Variants in C8orf34 observed in about 807,000 individuals in gnomAD.
C8orf34 encodes chromosome 8 open reading frame 34.
Under a neutral mutation model 68.3 loss-of-function variants are expected in C8orf34, and 65 were observed. The ratio of observed to expected loss-of-function variants is 0.95; its 90% CI spans 0.78 to 1.17. The LOEUF (loss-of-function observed/expected upper bound fraction) is 1.17. Among genes scored for constraint, C8orf34 ranks in the 50% most tolerant of loss-of-function variants. The probability of loss-of-function intolerance (pLI) is 0.00; values close to 1 mark genes in which losing one functional copy is unlikely to be tolerated. For synonymous variants in C8orf34, 244 were observed against 241.2 expected (o/e 1.01, Z -0.11); for missense variants, 664 against 655.4 (o/e 1.01, Z -0.14).
intron 8 of C8orf34, among the ~76,000 whole-genome samples, chr8:68,703,000 A>G (rs984806930): frequency 6.6e-6 from 1 of 152,114 alleles, no homozygotes; most frequent in Non-Finnish European, 1.5e-5. Context: ...GGATCTCATA[A>G]CATCACCAAG....
intron 5 of C8orf34, among the ~76,000 whole-genome samples, chr8:68,521,368 A>C (rs1422953904): frequency 6.6e-6 from 1 of 152,196 alleles, no homozygotes; most frequent in Non-Finnish European, 1.5e-5. Flanking sequence ...AGTTGGAGGC[A>C]ATACACCCTT....
chr8:68,677,116 CAA>C (rs201860396), intron 8 of C8orf34, among the ~76,000 whole-genome samples: 4,503 of 152,208 alleles, frequency 0.03, 80 homozygotes, highest in Non-Finnish European at 0.051. Flanking sequence ...AAATCAATAA[CAA>C]GACGAATTTT....
chr8:68,493,859 A>C (rs1472307293), intron 5 of C8orf34, among the ~76,000 whole-genome samples: 4 of 152,222 alleles, frequency 2.6e-5, no homozygotes, highest in Non-Finnish European at 5.9e-5. Flanking sequence ...CTTCAGATTC[A>C]GACACTGAAT....
chr8:68,693,896 A>G (rs974708593), intron 8 of C8orf34, among the ~76,000 whole-genome samples: 2 of 152,058 alleles, frequency 1.3e-5, no homozygotes, highest in Non-Finnish European at 1.5e-5. Flanking sequence ...GCTTTTAATA[A>G]TAAATTAAGA....
rs1229956778 is a variant in C8orf34 at position 68,431,640 on chromosome 8, A to T, written c.328-7859A>T. 3.3e-5 allele frequency among the ~76,000 whole-genome samples: 5 copies of T among 152,172 alleles called. No homozygotes were observed. In the East Asian group the frequency reaches 9.6e-4, roughly 29 times the overall value. On this transcript the variant is annotated intron_variant, in intron 1 of 13. Transcript: ENST00000518698. ...ACTACAAGCTTGTGCTTTTATATGAAGACTGTTTAAAACTGCATACTAAAT... is the reference window on the plus strand; with the variant it reads ...ACTACAAGCTTGTGCTTTTATATGATGACTGTTTAAAACTGCATACTAAAT...
intron 7 of C8orf34, among the ~76,000 whole-genome samples, chr8:68,617,225 G>A (rs1818248616): frequency 6.6e-6 from 1 of 152,088 alleles, no homozygotes. Flanking sequence ...ACACTGATGG[G>A]TCTTGACTCT....
In C8orf34 at chr8:68,401,607, T is replaced by C. The variant is rs1808958098; in HGVS notation, c.328-37892T>C. ...AAGGGGATGCTGAATTTTTATCTTT[T>C]CTTCATCTCTTGAAATGAAGCCTTT... On this transcript the variant is annotated intron_variant, in intron 1 of 13. Coordinates refer to ENST00000518698, the MANE Select transcript of C8orf34 (RefSeq NM_052958.4). Among the ~76,000 whole-genome samples the C allele has an allele frequency of 4.6e-5, 7 of 151,882 alleles. No individual in the cohort carries two copies. In the South Asian group the frequency reaches 1.5e-3, roughly 32 times the overall value.
chr8:68,643,425 T>C (rs1196222781), intron 8 of C8orf34, among the ~76,000 whole-genome samples: 1 of 152,184 alleles, frequency 6.6e-6, no homozygotes, highest in African/African-American at 2.4e-5. Flanking sequence ...AAATACCACT[T>C]GATTAGTGTC....
intron 7 of C8orf34, among the ~76,000 whole-genome samples, chr8:68,625,266 G>C (rs1442549423): frequency 6.6e-6 from 1 of 152,126 alleles, no homozygotes; most frequent in East Asian, 1.9e-4. Flanking sequence ...AGGGCTGCTG[G>C]ATAAAAGGAA....
chr8:68,550,173 C>T (rs1229561222), intron 7 of C8orf34, among the ~76,000 whole-genome samples: 5 of 151,496 alleles, frequency 3.3e-5, no homozygotes, highest in African/African-American at 4.8e-5. Context: ...TGTTGTCTTC[C>T]ACCCTGTTTC....
chr8:68,549,191 A>G lies in C8orf34; in HGVS notation c.1105+16042A>G, dbSNP rs191549073. Among the ~76,000 whole-genome samples the G allele has an allele frequency of 2.5e-3, 379 of 151,872 alleles. 3 individuals carry two copies. The highest frequency in any genetic ancestry group is 0.01 in the Middle Eastern group (3 of 294). On this transcript the variant is annotated intron_variant, in intron 7 of 13. Coordinates refer to ENST00000518698, the MANE Select transcript of C8orf34 (RefSeq NM_052958.4). The stretch of plus-strand genomic sequence containing the variant: ...AAAAACTGACCATTTTGGCACCTTG[A>G]TTTTGAAACTTCCAGCCTCCAGAAC...
chr8:68,398,349 T>C lies in C8orf34; in HGVS notation c.328-41150T>C, dbSNP rs950772445. Among the ~76,000 whole-genome samples the C allele has an allele frequency of 2.6e-5, 4 of 152,162 alleles. No homozygotes were observed. The East Asian group carries it at 7.7e-4, about 29-fold the overall frequency. On this transcript the variant is annotated intron_variant, in intron 1 of 13. Transcript: ENST00000518698. ...CTTACACTTGAACCTGTGATTAATA[T>C]CTGTGAAGGCTATCCCACTTTTATT...
chr8:68,624,350 G>A (rs1818474537), intron 7 of C8orf34, among the ~76,000 whole-genome samples: 1 of 151,690 alleles, frequency 6.6e-6, no homozygotes, highest in African/African-American at 2.4e-5. Context: ...GGTATGAATT[G>A]AAACACAGAA....
intron 1 of C8orf34, among the ~76,000 whole-genome samples, chr8:68,350,681 T>C (rs1806476280): frequency 6.6e-6 from 1 of 152,168 alleles, no homozygotes; most frequent in African/African-American, 2.4e-5. Context: ...TTTACAATTA[T>C]GTAATGCCCT....
intron 8 of C8orf34, among the ~76,000 whole-genome samples, chr8:68,680,751 T>C (rs1820344387): frequency 6.6e-6 from 1 of 152,170 alleles, no homozygotes; most frequent in Non-Finnish European, 1.5e-5. Context: ...ACCTATTGTC[T>C]TGATAAACAT....
At chr8:68,552,232 C>A (rs1267837202) in intron 7 of C8orf34, among the ~76,000 whole-genome samples, 1 of 152,088 alleles carries the variant, frequency 6.6e-6, no homozygotes, top group Non-Finnish European at 1.5e-5. Flanking sequence ...AACTTAACTT[C>A]CTCAAAAACA....
intron 1 of C8orf34, among the ~76,000 whole-genome samples, chr8:68,339,201 G>C (rs1403264539): frequency 6.6e-5 from 10 of 151,964 alleles, no homozygotes; most frequent in African/African-American, 1.4e-4. Flanking sequence ...CTGTTAGGCA[G>C]AATTGACATC....
intron 10 of C8orf34, among the ~76,000 whole-genome samples, chr8:68,727,373 C>T (rs1425957047): frequency 6.6e-6 from 1 of 152,216 alleles, no homozygotes; most frequent in African/African-American, 2.4e-5. Flanking sequence ...CACACCCTCT[C>T]TCCTGGCTGC....
At chr8:68,439,746 A>G in intron 2 of C8orf34, 100 bp downstream of exon 2, 2 of 1,233,284 alleles carry the variant, frequency 1.6e-6, no homozygotes, top group Non-Finnish European at 2.2e-6. Context: ...ATAGATAGTT[A>G]CCAAAGGTTT....
Sources: allele counts gnomAD v4.1 joint callset (sites outside exome capture counted in the v4.1 genomes callset), GRCh38; gene constraint gnomAD v4.1.1; transcripts MANE v1.5; gene names NCBI Gene and HGNC (gene_info 2026-07-23, HGNC 2026-07-21).